Variants in C19orf38 observed in about 807,000 individuals in gnomAD.
The protein encoded by C19orf38 is protein HIDE1.
C19orf38 carries 14 observed loss-of-function variants against 26.6 expected under a neutral mutation model. The ratio of observed to expected loss-of-function variants is 0.53; its 90% CI spans 0.35 to 0.82. The LOEUF (loss-of-function observed/expected upper bound fraction) is 0.82, where lower values mean the gene tolerates loss of function less well. C19orf38 is among the 40% of genes least tolerant of loss of function. The pLI, the probability that C19orf38 is intolerant of heterozygous loss-of-function variation, is 0.01. For missense variants in C19orf38, 261 were observed against 299.5 expected, an observed-to-expected ratio of 0.87 and a Z score of 0.95; for synonymous variants, 132 against 128.5, an observed-to-expected ratio of 1.03 and a Z score of -0.18.
At chr19:10,837,989 C>T (rs1319784819) in intron 1 of C19orf38, among the ~76,000 whole-genome samples, 1 of 152,026 alleles carries the variant, frequency 6.6e-6, no homozygotes, top group Non-Finnish European at 1.5e-5. Context: ...ATGAGGTTTC[C>T]CTGTGTTGCC....
At position 10,850,625 on chromosome 19, in the gene C19orf38, T is replaced by G. The variant is rs1340271225; in HGVS notation, c.340+58T>G. The G allele has an allele frequency of 3.4e-5, 51 of 1,502,232 alleles. 2 individuals carry two copies. In the South Asian group the frequency reaches 4.6e-4, roughly 14 times the overall value. 93.1% of individuals were successfully genotyped at this position (1,502,232 alleles called of 1,614,324 possible). A position where few individuals can be genotyped will look rare whatever the true frequency, so the allele number is the denominator to read the frequency against. ...GGCTTAATTTTCTCACATGGACCTCTTGTGTGTACTGTTGACTCAGAGGCC... is the reference window on the plus strand; with the variant it reads ...GGCTTAATTTTCTCACATGGACCTCGTGTGTGTACTGTTGACTCAGAGGCC... On this transcript the variant is annotated intron_variant, in intron 2 of 6. Coordinates refer to ENST00000397820, the MANE Select transcript of C19orf38 (RefSeq NM_001136482.3).
At chr19:10,863,079 CT>C in intron 5 of C19orf38, 90 bp from the exon 6 acceptor site, 1 of 1,369,938 alleles carries the variant, frequency 7.3e-7, no homozygotes, top group Admixed American at 2.0e-5. Flanking sequence ...AATTGCTTCC[CT>C]GTGGGCTGGG....
intron 1 of C19orf38, among the ~76,000 whole-genome samples, chr19:10,841,545 C>G (rs544932976): frequency 1.5e-4 from 23 of 152,298 alleles, no homozygotes; most frequent in Admixed American, 4.6e-4. Context: ...GTAATCCCAG[C>G]ACTTTGGGAG....
chr19:10,837,569 C>A (rs373807581), intron 1 of C19orf38, among the ~76,000 whole-genome samples: 2 of 136,690 alleles, frequency 1.5e-5, no homozygotes, highest in Non-Finnish European at 3.0e-5. Flanking sequence ...TGCAGTGGCG[C>A]GATCTCGACT....
At chr19:10,845,642 G>A (rs1213398316), upstream of C19orf38, among the ~76,000 whole-genome samples, 2 of 152,150 alleles carry the variant, frequency 1.3e-5, no homozygotes, top group Non-Finnish European at 2.9e-5. Flanking sequence ...CACTTTGGGA[G>A]GCCGAGGCAG....
At position 10,863,251 on chromosome 19, in the gene C19orf38, C is replaced by G. The variant is rs760062444; in HGVS notation, c.543+44C>G. ...TGGAACCGGTTTTCTGCTGACCGTC[C>G]TACCGGGAGAACGGGGCGGGCTCAA... On this transcript the variant is annotated intron_variant, in intron 6 of 6. Transcript: ENST00000397820. 69 of 1,540,604 alleles carry G rather than the reference C, an allele frequency of 4.5e-5. No individual in the cohort carries two copies. In the African/African-American group the frequency reaches 8.9e-4, roughly 20 times the overall value.
intron 1 of C19orf38, chr19:10,842,372 TG>T: frequency 1.9e-6 from 1 of 535,432 alleles, no homozygotes; most frequent in Non-Finnish European, 3.4e-6. Flanking sequence ...ACCATTCTCC[TG>T]CCTCAGCCTC....
chr19:10,863,327 T>C, intron 6 of C19orf38, 120 bp downstream of exon 6: 1 of 1,176,136 alleles, frequency 8.5e-7, no homozygotes, highest in Non-Finnish European at 1.2e-6. Context: ...GCGGGGGGGC[T>C]AGGAAAAGCC....
At chr19:10,861,564 C>T (rs1468108568) in intron 5 of C19orf38, among the ~76,000 whole-genome samples, 1 of 152,052 alleles carries the variant, frequency 6.6e-6, no homozygotes, top group Non-Finnish European at 1.5e-5. Flanking sequence ...CAGGTGGTCC[C>T]CTGAGGAAGT....
intron 4 of C19orf38, 114 bp downstream of exon 4, chr19:10,858,457 C>A: frequency 2.9e-6 from 3 of 1,027,298 alleles, no homozygotes; most frequent in Non-Finnish European, 2.9e-6. Context: ...GGGCATGCTG[C>A]GTAATAGGAA....
chr19:10,847,890 C>G (rs1288577213), upstream of C19orf38, among the ~76,000 whole-genome samples: 5 of 152,136 alleles, frequency 3.3e-5, no homozygotes, highest in East Asian at 9.7e-4. Flanking sequence ...CCCAGGAGTT[C>G]TCTTAGAAGG....
chr19:10,841,014 A>T (rs1273869588), intron 1 of C19orf38, among the ~76,000 whole-genome samples: 2 of 150,202 alleles, frequency 1.3e-5, no homozygotes, highest in Non-Finnish European at 3.0e-5. Flanking sequence ...AATGATTAGT[A>T]AGGTTGAGCA....
chr19:10,853,899 GTTTTTTTTT>G (rs545079431), intron 2 of C19orf38, among the ~76,000 whole-genome samples: 1 of 116,906 alleles, frequency 8.6e-6, no homozygotes, highest in Admixed American at 8.7e-5. Flanking sequence ...TCCGGCTAAT[GTTTTTTTTT>G]TTTTTTTTTT....
Position 10,869,530 on chromosome 19 carries a change from G to T in C19orf38, c.*163G>T. 4 of 1,042,478 alleles carry T rather than the reference G, an allele frequency of 3.8e-6. No homozygotes were observed. Among genetic ancestry groups the T allele is most frequent in the South Asian group, 1.8e-5 (1 of 57,100 alleles). The allele number at this position is 1,042,478 out of a possible 1,614,324, so 64.6% of individuals were successfully genotyped here. A position where few individuals can be genotyped will look rare whatever the true frequency, so the allele number is the denominator to read the frequency against. On this transcript the variant is annotated 3_prime_UTR_variant, in exon 7 of 7. Coordinates refer to ENST00000397820, the MANE Select transcript of C19orf38 (RefSeq NM_001136482.3). ...TTTTCATCACAGAGGAGTGGGAGAG[G>T]GGACACAGGCATGGGCCTGGCACTA...
At chr19:10,847,534 C>T (rs759578583), upstream of C19orf38, among the ~76,000 whole-genome samples, 8 of 151,526 alleles carry the variant, frequency 5.3e-5, no homozygotes, top group South Asian at 2.1e-4. Flanking sequence ...CCACCACGCC[C>T]GGCTAATTTT....
At chr19:10,842,238 T>A (rs370759837) in intron 1 of C19orf38, 26 of 1,200,002 alleles carry the variant, frequency 2.2e-5, no homozygotes, top group Non-Finnish European at 3.1e-5. Context: ...GAACCATCTC[T>A]TGGAAAACAT....
At chr19:10,848,336 A>G, upstream of C19orf38, 1 of 634,680 alleles carries the variant, frequency 1.6e-6, no homozygotes, top group Non-Finnish European at 2.8e-6. Context: ...GAGGGGAGAG[A>G]GTCCCTTTCA....
intron 1 of C19orf38, chr19:10,842,334 C>T: frequency 1.6e-6 from 1 of 626,648 alleles, no homozygotes; most frequent in Non-Finnish European, 2.8e-6. Flanking sequence ...GACCTTGGCT[C>T]ACTGCAAGCT....
Position 10,857,278 on chromosome 19 carries a change from A to ATATGTG in C19orf38, c.433+923_433+928dup, listed in dbSNP as rs1484602204. 2.6e-4 allele frequency among the ~76,000 whole-genome samples: 38 copies of ATATGTG among 143,834 alleles called. No homozygotes were observed. The South Asian group carries it at 8.1e-3, about 31-fold the overall frequency. 94.4% of individuals were successfully genotyped at this position (143,834 alleles called of 152,430 possible). On this transcript the variant is annotated intron_variant, in intron 3 of 6. Coordinates refer to ENST00000397820, the MANE Select transcript of C19orf38 (RefSeq NM_001136482.3). The stretch of plus-strand genomic sequence containing the variant: ...TGTGTGTGTGTATGTGTGTGGGTAT[A>ATATGTG]TATGTGTGTGTATGTATATATATAT...
Sources: allele counts gnomAD v4.1 joint callset (sites outside exome capture counted in the v4.1 genomes callset), GRCh38; gene constraint gnomAD v4.1.1; transcripts MANE v1.5; gene names NCBI Gene and HGNC (gene_info 2026-07-23, HGNC 2026-07-21).